The following SNRPA1 variants were observed in gnomAD, a reference collection of about 807,000 sequenced individuals.
SNRPA1 encodes the protein U2 small nuclear ribonucleoprotein A'.
A neutral mutation model predicts 32.3 loss-of-function variants in SNRPA1; 5 were observed. The observed-to-expected ratio is 0.15, with a 90% CI of 0.08 to 0.33. SNRPA1 has a LOEUF of 0.33. SNRPA1 is among the 10% of genes least tolerant of loss of function. The probability of loss-of-function intolerance (pLI) is 1.00; values close to 1 mark genes in which losing one functional copy is unlikely to be tolerated. For synonymous variants in SNRPA1, 111 were observed against 120.1 expected, an observed-to-expected ratio of 0.92 and a Z score of 0.50; for missense variants, 198 against 311.1, an observed-to-expected ratio of 0.64 and a Z score of 2.74.
chr15:101,286,040 A>G (rs911221258), intron 6 of SNRPA1, 174 bp downstream of exon 6: 8 of 651,522 alleles, frequency 1.2e-5, no homozygotes, highest in African/African-American at 1.1e-4. Context: ...CTAAGCTGGT[A>G]GAAATTTCTT....
chr15:101,286,790 T>G, intron 5 of SNRPA1, 118 bp downstream of exon 5: 1 of 629,616 alleles, frequency 1.6e-6, no homozygotes, highest in Non-Finnish European at 2.8e-6. Flanking sequence ...CCCTCCCACT[T>G]TTATTACAAA....
At chr15:101,287,044 G>T in intron 4 of SNRPA1, 34 bp from the exon 5 acceptor site, 1 of 1,169,422 alleles carries the variant, frequency 8.6e-7, no homozygotes, top group Non-Finnish European at 1.3e-6. Context: ...TGGCAAACTT[G>T]TTCATGGCAC....
intron 3 of SNRPA1, chr15:101,288,159 C>G (rs1035617700): frequency 1.2e-5 from 2 of 160,936 alleles, no homozygotes; most frequent in Non-Finnish European, 2.7e-5. Flanking sequence ...CTAGCTGCCC[C>G]TGAAAATCTC....
intron 1 of SNRPA1, among the ~76,000 whole-genome samples, chr15:101,294,467 G>C (rs2039564227): frequency 6.6e-6 from 1 of 152,180 alleles, no homozygotes; most frequent in South Asian, 2.1e-4. Flanking sequence ...TCTTGCTAAG[G>C]TTGAAATAGT....
At chr15:101,289,242 T>A (rs1447263386) in intron 3 of SNRPA1, among the ~76,000 whole-genome samples, 1 of 152,172 alleles carries the variant, frequency 6.6e-6, no homozygotes, top group Non-Finnish European at 1.5e-5. Flanking sequence ...AGAATAAATA[T>A]GTAACAACCC....
intron 5 of SNRPA1, 45 bp downstream of exon 5, chr15:101,286,863 A>C (rs771629252): frequency 1.0e-6 from 1 of 971,542 alleles, no homozygotes; most frequent in Admixed American, 2.2e-5. Context: ...ATAAAGAAAA[A>C]CACACAACTC....
chr15:101,287,559 C>T, intron 4 of SNRPA1, 97 bp downstream of exon 4: 1 of 1,047,836 alleles, frequency 9.5e-7, no homozygotes, highest in Non-Finnish European at 1.5e-6. Flanking sequence ...GCATATGTGC[C>T]ACATTTTTTA....
At chr15:101,288,746 G>C (rs2141310435) in intron 3 of SNRPA1, among the ~76,000 whole-genome samples, 1 of 152,324 alleles carries the variant, frequency 6.6e-6, no homozygotes, top group South Asian at 2.1e-4. Context: ...CCTTTGTACA[G>C]GAAGAAGCAG....
intron 1 of SNRPA1, 96 bp downstream of exon 1, chr15:101,294,998 CGCG>C (rs1238205475): frequency 1.9e-5 from 14 of 753,860 alleles, no homozygotes; most frequent in Non-Finnish European, 2.3e-5. Flanking sequence ...ACAACCGGCC[CGCG>C]GGCCAAGCTC....
At chr15:101,285,663 C>T in intron 7 of SNRPA1, 63 bp downstream of exon 7, 1 of 1,069,038 alleles carries the variant, frequency 9.4e-7, no homozygotes, top group East Asian at 2.4e-5. Flanking sequence ...TGTTTATTAT[C>T]CAGCTTTGTG....
chr15:101,286,375 G>A (rs1005187183), intron 5 of SNRPA1, 82 bp from the exon 6 acceptor site: 73 of 1,267,844 alleles, frequency 5.8e-5, no homozygotes, highest in Middle Eastern at 1.9e-4. Context: ...ACATGGAAGC[G>A]AACTCTCCTA....
rs1322785917 is a variant in SNRPA1, at chr15:101,295,088, C to T, written c.82+9G>A. The T allele has an allele frequency of 4.0e-6, 6 of 1,504,442 alleles. No homozygotes were observed. The African/African-American group carries it at 4.4e-5, about 11-fold the overall frequency. The allele number at this position is 1,504,442 out of a possible 1,614,324, so 93.2% of individuals were successfully genotyped here. A position where few individuals can be genotyped will look rare whatever the true frequency, so the allele number is the denominator to read the frequency against. On this transcript the variant is annotated intron_variant, in intron 1 of 8. Coordinates refer to ENST00000254193, the MANE Select transcript of SNRPA1 (RefSeq NM_003090.4). ...CCTGGGGACTGGCCGCCCACGCCCC[C>T]GGACTCACCCCGGAGGTCCAGCTCC...
chr15:101,286,367 A>G (rs2039454671), intron 5 of SNRPA1, 74 bp from the exon 6 acceptor site: 2 of 1,370,802 alleles, frequency 1.5e-6, no homozygotes, highest in Non-Finnish European at 2.1e-6. Flanking sequence ...CTCAGAAGAC[A>G]TGGAAGCGAA....
rs996033945 is a variant in SNRPA1 at position 101,283,508 on chromosome 15, G to A, written c.709+1459C>T. 1.4e-4 allele frequency among the ~76,000 whole-genome samples: 22 copies of A among 152,302 alleles called. No individual in the cohort carries two copies. In the East Asian group the frequency reaches 3.9e-3, roughly 27 times the overall value. ...ATGAACCCAGGAGGCGGAGCTTGCAGTGAGGTGAGATTGCACCACTGCCCT... is the reference window on the plus strand; with the variant it reads ...ATGAACCCAGGAGGCGGAGCTTGCAATGAGGTGAGATTGCACCACTGCCCT... On this transcript the variant is annotated intron_variant, in intron 8 of 8. Coordinates refer to ENST00000254193, the MANE Select transcript of SNRPA1 (RefSeq NM_003090.4).
At chr15:101,285,234 C>T (rs768491392) in intron 7 of SNRPA1, 174 bp from the exon 8 acceptor site, 5 of 544,198 alleles carry the variant, frequency 9.2e-6, no homozygotes, top group Non-Finnish European at 1.7e-5. Context: ...AAACTAGAAG[C>T]CAAACCACAA....
intron 2 of SNRPA1, among the ~76,000 whole-genome samples, chr15:101,292,288 A>G (rs1175277934): frequency 1.3e-5 from 2 of 152,124 alleles, no homozygotes; most frequent in Admixed American, 1.3e-4. Context: ...AAAAGGTGCA[A>G]CTCCTGGGTG....
At chr15:101,294,578 A>G (rs2141316570) in intron 1 of SNRPA1, among the ~76,000 whole-genome samples, 1 of 152,314 alleles carries the variant, frequency 6.6e-6, no homozygotes, top group African/African-American at 2.4e-5. Context: ...GTCTTCATAT[A>G]GGGGAAACGC....
At chr15:101,290,176 CAAAT>C (rs2039506591) in intron 3 of SNRPA1, among the ~76,000 whole-genome samples, 1 of 152,078 alleles carries the variant, frequency 6.6e-6, no homozygotes, top group Non-Finnish European at 1.5e-5. Context: ...TTGTATGTAT[CAAAT>C]AAGGCAACTT....
chr15:101,293,367 A>T, intron 1 of SNRPA1, 195 bp from the exon 2 acceptor site: 1 of 451,008 alleles, frequency 2.2e-6, no homozygotes, highest in Non-Finnish European at 4.0e-6. Flanking sequence ...ACGAGTCTCA[A>T]GTCCCCAGTG....
Sources: gnomAD v4.1 joint callset for allele counts (sites outside exome capture counted in the v4.1 genomes callset) on GRCh38, gnomAD v4.1.1 for gene constraint, MANE v1.5 for transcripts, NCBI Gene and HGNC (gene_info 2026-07-23, HGNC 2026-07-21) for gene names.